Variants in ANKIB1 observed in about 807,000 individuals in gnomAD.
The protein encoded by ANKIB1 is ankyrin repeat and IBR domain-containing protein 1.
Under a neutral mutation model 122.1 loss-of-function variants are expected in ANKIB1, and 43 were observed. The observed-to-expected ratio is 0.35, with a 90% CI of 0.28 to 0.45. ANKIB1 has a LOEUF of 0.45. Among genes scored for constraint, ANKIB1 ranks in the 20% least tolerant of loss-of-function variants. ANKIB1 has a pLI of 1.00. For missense variants in ANKIB1, 992 were observed against 1,329.5 expected (o/e 0.75, Z 3.95); for synonymous variants, 390 against 442.0 (o/e 0.88, Z 1.48).
At chr7:92,339,505 T>C (rs1039467198) in intron 5 of ANKIB1, among the ~76,000 whole-genome samples, 1 of 152,234 alleles carries the variant, frequency 6.6e-6, no homozygotes, top group African/African-American at 2.4e-5. Flanking sequence ...TGGAATATTA[T>C]CTACTTCAGT....
Position 92,332,388 on chromosome 7 carries a change from A to G in ANKIB1, c.787+4488A>G, listed in dbSNP as rs1246888527. 2.0e-5 allele frequency among the ~76,000 whole-genome samples: 3 copies of G among 152,208 alleles called. No homozygotes were observed. In the East Asian group the frequency reaches 5.8e-4, roughly 29 times the overall value. On this transcript the variant is annotated intron_variant, in intron 5 of 19. Coordinates refer to ENST00000265742, the MANE Select transcript of ANKIB1 (RefSeq NM_019004.2). ...AACATTCATTCATTTTTATACAGGA[A>G]AATAGTTTTGAGTATTATACTGTGT...
chr7:92,333,706 G>A (rs1803228305), intron 5 of ANKIB1, among the ~76,000 whole-genome samples: 1 of 152,124 alleles, frequency 6.6e-6, no homozygotes, highest in African/African-American at 2.4e-5. Context: ...TGACATAGTG[G>A]ATGGGACATA....
intron 1 of ANKIB1, among the ~76,000 whole-genome samples, chr7:92,252,212 G>A (rs973870396): frequency 1.3e-5 from 2 of 152,100 alleles, no homozygotes; most frequent in Admixed American, 1.3e-4. Flanking sequence ...TTGTGGAGAT[G>A]TATTCCAAAA....
intron 11 of ANKIB1, among the ~76,000 whole-genome samples, chr7:92,372,975 T>C (rs1804307636): frequency 6.6e-6 from 1 of 152,132 alleles, no homozygotes. Context: ...TATTACTTGA[T>C]TTTTAACTTT....
chr7:92,269,833 C>T (rs1801748202), intron 1 of ANKIB1, among the ~76,000 whole-genome samples: 2 of 151,376 alleles, frequency 1.3e-5, no homozygotes, highest in Admixed American at 6.6e-5. Context: ...TTCTAGGGTA[C>T]ATGTGTACAG....
At chr7:92,295,221 A>G in intron 2 of ANKIB1, 55 bp downstream of exon 2, 2 of 1,272,966 alleles carry the variant, frequency 1.6e-6, no homozygotes, top group African/African-American at 3.0e-5. Context: ...ACTAATTGGT[A>G]ACAAAGTGGT....
chr7:92,368,211 C>T (rs1384021865), intron 10 of ANKIB1, among the ~76,000 whole-genome samples: 5 of 151,452 alleles, frequency 3.3e-5, no homozygotes, highest in African/African-American at 9.7e-5. Context: ...CACATGCATA[C>T]ATGTTGATTC....
intron 11 of ANKIB1, among the ~76,000 whole-genome samples, chr7:92,374,196 G>C (rs1393648278): frequency 6.6e-6 from 1 of 152,168 alleles, no homozygotes; most frequent in African/African-American, 2.4e-5. Flanking sequence ...AGAGATTAAG[G>C]CCAGGCATGG....
At chr7:92,367,909 A>G (rs1327169940) in intron 10 of ANKIB1, among the ~76,000 whole-genome samples, 3 of 152,168 alleles carry the variant, frequency 2.0e-5, no homozygotes, top group Admixed American at 6.5e-5. Flanking sequence ...TAATCCCAGC[A>G]CTTTGGGAGG....
chr7:92,298,788 A>G (rs547741071), intron 2 of ANKIB1, among the ~76,000 whole-genome samples: 1 of 150,662 alleles, frequency 6.6e-6, no homozygotes, highest in South Asian at 2.1e-4. Context: ...AAAAAAAAAA[A>G]GCAGTTTCCC....
At chr7:92,356,676 A>G (rs1421819407) in intron 9 of ANKIB1, among the ~76,000 whole-genome samples, 2 of 152,222 alleles carry the variant, frequency 1.3e-5, no homozygotes, top group Non-Finnish European at 2.9e-5. Context: ...AAATAATATG[A>G]TAAAATAAAG....
Position 92,398,458 on chromosome 7 carries a change from G to A in ANKIB1, c.2779G>A (p.Ala927Thr), listed in dbSNP as rs1348148422. 2.5e-6 allele frequency: 4 copies of A among 1,613,912 alleles called. No individual in the cohort carries two copies. Among genetic ancestry groups the A allele is most frequent in the Non-Finnish European group, 3.4e-6 (4 of 1,179,850 alleles). ...TGGTGACAGCCTCATGAGACTAGGA[G>A]CAGAGAATGACCCATTTTCAACTGA... ...ELGDSLMRLG[A>T]ENDPFSTDTL... is the part of the protein sequence containing the mutation. The change falls in exon 20 of 20, where the codon GCA becomes ACA. Residue 927 changes from alanine to threonine, a missense_variant. By Grantham distance (58) the Ala-to-Thr change is moderately conservative. This residue lies in a region of ANKIB1 where 384 missense variants were observed against 412.0 expected (regional missense o/e 0.93). Transcript: ENST00000265742.
At chr7:92,275,863 G>A (rs559737401) in intron 1 of ANKIB1, among the ~76,000 whole-genome samples, 16 of 152,164 alleles carry the variant, frequency 1.1e-4, no homozygotes, top group Non-Finnish European at 2.9e-5. Flanking sequence ...GCCAAAATAA[G>A]CATCACTGTA....
At chr7:92,365,587 G>A (rs1297456414) in intron 10 of ANKIB1, among the ~76,000 whole-genome samples, 1 of 151,986 alleles carries the variant, frequency 6.6e-6, no homozygotes, top group East Asian at 1.9e-4. Context: ...AAGTAGGAGA[G>A]TGATGAATGA....
chr7:92,327,369 T>C (rs1045178397), intron 4 of ANKIB1, among the ~76,000 whole-genome samples: 1 of 152,182 alleles, frequency 6.6e-6, no homozygotes, highest in Non-Finnish European at 1.5e-5. Flanking sequence ...TCATGTACAG[T>C]CATCCCTCAG....
intron 5 of ANKIB1, among the ~76,000 whole-genome samples, chr7:92,334,540 T>G (rs537318666): frequency 3.9e-5 from 6 of 151,968 alleles, no homozygotes; most frequent in Non-Finnish European, 8.8e-5. Context: ...TTTCAAATAG[T>G]AAAATAAATT....
At chr7:92,264,372 C>A (rs977073644) in intron 1 of ANKIB1, among the ~76,000 whole-genome samples, 10 of 151,802 alleles carry the variant, frequency 6.6e-5, no homozygotes, top group Middle Eastern at 3.2e-3. Flanking sequence ...TTTCAGGAAT[C>A]AATCTTTCAT....
intron 8 of ANKIB1, 124 bp downstream of exon 8, chr7:92,351,218 A>T: frequency 1.2e-6 from 1 of 822,798 alleles, no homozygotes; most frequent in Non-Finnish European, 1.7e-6. Flanking sequence ...TGTTAGAAAC[A>T]CTTTATCAGA....
chr7:92,335,001 TTAAAG>T (rs1190975357), intron 5 of ANKIB1, among the ~76,000 whole-genome samples: 9 of 152,002 alleles, frequency 5.9e-5, no homozygotes, highest in East Asian at 1.9e-4. Flanking sequence ...CATTTCTTAT[TTAAAG>T]TAAAGTCCAA....
Sources: allele counts gnomAD v4.1 joint callset (sites outside exome capture counted in the v4.1 genomes callset), GRCh38; gene constraint gnomAD v4.1.1; regional missense constraint gnomAD v4.1.1; transcripts MANE v1.5; gene names NCBI Gene and HGNC (gene_info 2026-07-23, HGNC 2026-07-21).